Variants in CACNA1C observed in about 807,000 individuals in gnomAD.
CACNA1C encodes the protein voltage-dependent L-type calcium channel subunit alpha-1C.
A neutral mutation model predicts 229.0 loss-of-function variants in CACNA1C; 30 were observed. That is an observed-to-expected ratio of 0.13 (90% CI 0.10 to 0.18). The LOEUF (loss-of-function observed/expected upper bound fraction) is 0.18. CACNA1C is among the 10% of genes least tolerant of loss of function. CACNA1C has a pLI of 1.00. For synonymous variants in CACNA1C, 1,114 were observed against 1,132.5 expected, an observed-to-expected ratio of 0.98 and a Z score of 0.33; for missense variants, 1,658 against 2,845.0, an observed-to-expected ratio of 0.58 and a Z score of 9.49.
intron 15 of CACNA1C, among the ~76,000 whole-genome samples, chr12:2,583,878 G>A (rs765053931): frequency 5.3e-5 from 8 of 152,188 alleles, no homozygotes; most frequent in African/African-American, 1.4e-4. Context: ...GCCTGGGGCC[G>A]GGGGTCAGAC....
intron 3 of CACNA1C, among the ~76,000 whole-genome samples, chr12:2,344,620 C>T (rs1264560104): frequency 6.6e-6 from 1 of 152,130 alleles, no homozygotes; most frequent in Non-Finnish European, 1.5e-5. Flanking sequence ...AGTCTGTGGG[C>T]TGTCCTGGGA....
At chr12:2,233,304 T>C (rs1252464976) in intron 3 of CACNA1C, among the ~76,000 whole-genome samples, 2 of 152,234 alleles carry the variant, frequency 1.3e-5, no homozygotes, top group African/African-American at 4.8e-5. Context: ...TGAATTAAAG[T>C]TATGAATCAG....
chr12:2,259,269 C>G (rs1223694711), intron 3 of CACNA1C, among the ~76,000 whole-genome samples: 1 of 152,206 alleles, frequency 6.6e-6, no homozygotes, highest in African/African-American at 2.4e-5. Flanking sequence ...AGTTTGTGTT[C>G]TAACAAGCCC....
intron 1 of CACNA1C, among the ~76,000 whole-genome samples, chr12:2,011,644 G>A (rs1313778181): frequency 1.3e-5 from 2 of 152,162 alleles, no homozygotes; most frequent in African/African-American, 4.8e-5. Context: ...GAAAAGCCCA[G>A]AAACAATACT....
At position 2,630,600 on chromosome 12, in the gene CACNA1C, G is replaced by A. The variant is rs1300269116; in HGVS notation, c.3829-3697G>A. Among the ~76,000 whole-genome samples the A allele has an allele frequency of 2.0e-5, 3 of 152,140 alleles. No individual in the cohort carries two copies. The highest frequency in any genetic ancestry group is 4.4e-5 in the Non-Finnish European group (3 of 68,018). ...CATGGTCCAGCTGGAGGACTGAGGG[G>A]CTCTGGGCACCAAAGGCAGGACGGT... On this transcript the variant is annotated intron_variant, in intron 29 of 46. Coordinates refer to ENST00000399655, the MANE Select transcript of CACNA1C (RefSeq NM_000719.7). The surrounding 1 kb of genome is among the most constrained non-coding windows in gnomAD (Gnocchi z 5.4).
At chr12:2,351,845 C>T (rs2097210597) in intron 3 of CACNA1C, among the ~76,000 whole-genome samples, 1 of 152,290 alleles carries the variant, frequency 6.6e-6, no homozygotes, top group Admixed American at 6.5e-5. Flanking sequence ...ACCTCTTCTG[C>T]ACACCGTGGG....
At chr12:2,191,286 G>A (rs1366711812) in intron 3 of CACNA1C, among the ~76,000 whole-genome samples, 1 of 152,082 alleles carries the variant, frequency 6.6e-6, no homozygotes, top group African/African-American at 2.4e-5. Context: ...CTGAAGCGCC[G>A]GCCCACACTC....
intron 3 of CACNA1C, among the ~76,000 whole-genome samples, chr12:2,345,804 A>C (rs1379300211): frequency 6.6e-6 from 1 of 152,330 alleles, no homozygotes; most frequent in East Asian, 1.9e-4. Context: ...AGCCGTGATC[A>C]TCTGTCCCTG....
In CACNA1C at chr12:2,097,214, C is replaced by G. The variant is rs189951258; in HGVS notation, c.50-18010C>G. 8.0e-3 allele frequency among the ~76,000 whole-genome samples: 1,222 copies of G among 152,202 alleles called. 21 individuals carry two copies. Among genetic ancestry groups the G allele is most frequent in the African/African-American group, 0.028 (1,158 of 41,532 alleles). On this transcript the variant is annotated intron_variant, in intron 1 of 46. Transcript: ENST00000399655. ...AGGCTGGAGTGCAGTGGCGCGATCT[C>G]GGCTCACTGCAAGCTCCGCCTCCCA...
chr12:2,224,588 G>A (rs2062406845), intron 3 of CACNA1C, among the ~76,000 whole-genome samples: 1 of 152,192 alleles, frequency 6.6e-6, no homozygotes, highest in African/African-American at 2.4e-5. Context: ...TGGGTCCAGA[G>A]TTGTGTGTTA....
At chr12:2,340,354 A>G (rs149839742) in intron 3 of CACNA1C, among the ~76,000 whole-genome samples, 1 of 152,352 alleles carries the variant, frequency 6.6e-6, no homozygotes, top group Admixed American at 6.5e-5. Flanking sequence ...TCAGCAGCAG[A>G]ATATGAAAGT....
intron 3 of CACNA1C, among the ~76,000 whole-genome samples, chr12:2,331,881 TTAAAGGAACTAAAG>T (rs2096559860): frequency 3.3e-5 from 4 of 121,932 alleles, no homozygotes; most frequent in Admixed American, 3.1e-4. Context: ...CTGTTTTAGA[TTAAAGGAACTAAAG>T]ATTAAAGGAA....
At chr12:2,462,643 G>A (rs1349917708) in intron 5 of CACNA1C, among the ~76,000 whole-genome samples, 1 of 152,238 alleles carries the variant, frequency 6.6e-6, no homozygotes, top group African/African-American at 2.4e-5. Flanking sequence ...GGCTGGCATA[G>A]CTTCACATCA....
rs145169751 is a variant in CACNA1C, at chr12:2,411,892, G to A, written c.478-37084G>A. The stretch of plus-strand genomic sequence containing the variant: ...CTTTCATTTGGGGAGAGAAGTCGGA[G>A]GCACAGGGGCCATGAAAGGGGAAGG... On this transcript the variant is annotated intron_variant, in intron 3 of 46. Transcript: ENST00000399655. Among the ~76,000 whole-genome samples the A allele has an allele frequency of 2.3e-3, 353 of 152,338 alleles. 2 individuals are homozygous for A. Among genetic ancestry groups the A allele is most frequent in the African/African-American group, 7.9e-3 (327 of 41,566 alleles).
At chr12:2,251,016 G>C (rs551892363) in intron 3 of CACNA1C, among the ~76,000 whole-genome samples, 5 of 152,216 alleles carry the variant, frequency 3.3e-5, no homozygotes, top group Non-Finnish European at 7.3e-5. Context: ...AGGAGGGACA[G>C]TGTGTTCTGC....
At chr12:2,567,190 C>G (rs1238865004) in intron 12 of CACNA1C, among the ~76,000 whole-genome samples, 1 of 152,210 alleles carries the variant, frequency 6.6e-6, no homozygotes, top group African/African-American at 2.4e-5. Flanking sequence ...GCGGAGAAGT[C>G]AGACTCAGAC....
At chr12:2,685,630 C>T (rs922199130) in intron 43 of CACNA1C, 106 bp from the exon 44 acceptor site, 138 of 790,922 alleles carry the variant, frequency 1.7e-4, no homozygotes, top group Non-Finnish European at 3.0e-4. Flanking sequence ...AAGTGTGCGT[C>T]CCTTCACTAA....
intron 1 of CACNA1C, among the ~76,000 whole-genome samples, chr12:1,973,115 G>C (rs979466309): frequency 1.3e-5 from 2 of 152,194 alleles, no homozygotes; most frequent in African/African-American, 4.8e-5. Flanking sequence ...TAGCTTTACT[G>C]ACCAAACACG....
In CACNA1C at chr12:2,691,368, G is replaced by C; in HGVS notation, c.*169G>C. 1.4e-6 allele frequency: 1 copy of C among 692,310 alleles called. No homozygotes were observed. The highest frequency in any genetic ancestry group is 4.6e-4 in the Middle Eastern group (1 of 2,194). The allele number at this position is 692,310 out of a possible 1,614,324, so 42.9% of individuals were successfully genotyped here. ...TGGGTGCGCGAGCCGCCCTCCGGGA[G>C]GAAGGCGCCCGGCTGCGTCTGCAGA... is the stretch of plus-strand genomic sequence containing the variant. On this transcript the variant is annotated 3_prime_UTR_variant, in exon 47 of 47. Transcript: ENST00000399655.
Sources: allele counts gnomAD v4.1 joint callset (sites outside exome capture counted in the v4.1 genomes callset), GRCh38; gene constraint gnomAD v4.1.1; non-coding constraint Gnocchi (gnomAD v3.1); transcripts MANE v1.5; gene names NCBI Gene and HGNC (gene_info 2026-07-23, HGNC 2026-07-21).